The following CPEB4 variants were observed in gnomAD, a reference collection of about 807,000 sequenced individuals.
CPEB4 encodes the protein cytoplasmic polyadenylation element binding protein 4.
In CPEB4, 12 loss-of-function variants were observed where a neutral mutation model predicts 72.5. The ratio of observed to expected loss-of-function variants is 0.17; its 90% CI spans 0.11 to 0.27. CPEB4 has a LOEUF of 0.27. Ranked by LOEUF, CPEB4 falls within the 10% of genes least tolerant of loss-of-function variation. The pLI, the probability that CPEB4 is intolerant of heterozygous loss-of-function variation, is 1.00. For missense variants in CPEB4, 614 were observed against 908.5 expected (o/e 0.68, Z 4.17); for synonymous variants, 302 against 326.3 (o/e 0.93, Z 0.80).
intron 3 of CPEB4, among the ~76,000 whole-genome samples, chr5:173,941,047 C>T (rs997736839): frequency 6.6e-6 from 1 of 152,302 alleles, no homozygotes; most frequent in East Asian, 1.9e-4. Flanking sequence ...ATAATGGAAG[C>T]CATGAGAGTT....
chr5:173,916,011 C>A (rs1441681364), intron 2 of CPEB4, among the ~76,000 whole-genome samples: 3 of 152,108 alleles, frequency 2.0e-5, no homozygotes, highest in Non-Finnish European at 4.4e-5. Context: ...CAGAATATAA[C>A]AATCCACAGT....
chr5:173,891,143 A>T (rs1401334186), intron 1 of CPEB4, among the ~76,000 whole-genome samples: 1 of 152,218 alleles, frequency 6.6e-6, no homozygotes, highest in African/African-American at 2.4e-5. Flanking sequence ...TTCTTGCCTG[A>T]CATGAGAATC....
chr5:173,932,474 G>A lies in CPEB4; in HGVS notation c.1232G>A (p.Gly411Glu). ...GGTCGTCTAAACTATTCATATCCAG[G>A]ATCCGATAGCTCTCTGCTTATTAAT... ...IKGRLNYSYP[G>E]SDSSLLINAR... Residue 411 changes from glycine to glutamate, a missense_variant, in exon 3 of 10, where the codon GGA (glycine) becomes GAA (glutamate). Gly to Glu is a moderately conservative substitution (Grantham distance 98). This residue lies in a region of CPEB4 where 458 missense variants were observed against 548.6 expected (regional missense o/e 0.83). Transcript: ENST00000265085. The A allele has an allele frequency of 6.2e-6, 10 of 1,612,710 alleles. No homozygotes were observed. Among genetic ancestry groups the A allele is most frequent in the Non-Finnish European group, 8.5e-6 (10 of 1,179,344 alleles).
At chr5:173,938,650 G>A (rs1757716310) in intron 3 of CPEB4, among the ~76,000 whole-genome samples, 1 of 152,110 alleles carries the variant, frequency 6.6e-6, no homozygotes, top group South Asian at 2.1e-4. Flanking sequence ...GAGAGCCTAA[G>A]GTAGATCAGC....
chr5:173,953,020 T>C (rs905331984), intron 8 of CPEB4, 71 bp from the exon 9 acceptor site: 4 of 1,283,134 alleles, frequency 3.1e-6, no homozygotes, highest in Non-Finnish European at 4.4e-6. Flanking sequence ...GAATTGCTTT[T>C]GATGAAACGG....
At chr5:173,911,305 C>T (rs985982952) in intron 2 of CPEB4, among the ~76,000 whole-genome samples, 2 of 151,728 alleles carry the variant, frequency 1.3e-5, no homozygotes, top group African/African-American at 4.8e-5. Flanking sequence ...GAGTCTTGCC[C>T]TGTCGCCAGG....
chr5:173,900,180 C>T lies in CPEB4; in HGVS notation c.1125+9322C>T, dbSNP rs1020242556. On this transcript the variant is annotated intron_variant, in intron 1 of 9. Coordinates refer to ENST00000265085, the MANE Select transcript of CPEB4 (RefSeq NM_030627.4). The surrounding 1 kb of genome is among the most constrained non-coding windows in gnomAD (Gnocchi z 4.4). ...CAGCACTGCGAGAGGCTGAGGTGGG[C>T]GGATCACCTGAGGTCGGGAGTTCGA... 4.6e-5 allele frequency among the ~76,000 whole-genome samples: 7 copies of T among 151,908 alleles called. No individual in the cohort carries two copies. Among genetic ancestry groups the T allele is most frequent in the African/African-American group, 9.7e-5 (4 of 41,336 alleles).
chr5:173,899,460 G>A (rs887798921), intron 1 of CPEB4, among the ~76,000 whole-genome samples: 1 of 152,132 alleles, frequency 6.6e-6, no homozygotes, highest in African/African-American at 2.4e-5. Context: ...TGCTCAGTCT[G>A]TTTCACTGCT....
chr5:173,944,435 A>C (rs1757945963), intron 4 of CPEB4, among the ~76,000 whole-genome samples: 1 of 150,036 alleles, frequency 6.7e-6, no homozygotes, highest in South Asian at 2.1e-4. Flanking sequence ...TGATTATGCC[A>C]CTGTACTCCA....
intron 2 of CPEB4, among the ~76,000 whole-genome samples, chr5:173,918,412 G>A (rs1756955593): frequency 6.6e-6 from 1 of 152,198 alleles, no homozygotes; most frequent in African/African-American, 2.4e-5. Context: ...TGTAGGTTGA[G>A]CTTACAAAGG....
Position 173,890,155 on chromosome 5 carries a change from C to A in CPEB4, c.422C>A (p.Thr141Lys), listed in dbSNP as rs769395963. 1 of 1,614,010 alleles carries A rather than the reference C, an allele frequency of 6.2e-7. No individual in the cohort carries two copies. The highest frequency in any genetic ancestry group is 1.3e-5 in the African/African-American group (1 of 74,924). ...ATAAGGATCGAATCTCCAGTGTTGACAGGGTTTGATTATCAAGAAGCCACT... is the reference window on the plus strand; with the variant it reads ...ATAAGGATCGAATCTCCAGTGTTGAAAGGGTTTGATTATCAAGAAGCCACT... ...EKIRIESPVLTGFDYQEATGL... is the reference protein window; with the variant it reads ...EKIRIESPVLKGFDYQEATGL... Residue 141 changes from threonine (T) to lysine (K), a missense_variant, in exon 1 of 10, where the codon ACA becomes AAA. By Grantham distance (78) the Thr-to-Lys change is moderately conservative. Transcript: ENST00000265085.
chr5:173,949,320 A>G (rs116034619), intron 5 of CPEB4, among the ~76,000 whole-genome samples, 188 bp from the exon 6 acceptor site: 2 of 152,302 alleles, frequency 1.3e-5, no homozygotes, highest in Non-Finnish European at 2.9e-5. Context: ...AGGGAGAAAG[A>G]GGAAGAGAGA....
intron 3 of CPEB4, among the ~76,000 whole-genome samples, chr5:173,938,384 C>T (rs1427426339): frequency 6.6e-6 from 1 of 152,148 alleles, no homozygotes; most frequent in Non-Finnish European, 1.5e-5. Flanking sequence ...TGCCACCACA[C>T]CCAGCTAATT....
At chr5:173,937,848 C>T (rs1012318367) in intron 3 of CPEB4, among the ~76,000 whole-genome samples, 1 of 152,180 alleles carries the variant, frequency 6.6e-6, no homozygotes, top group African/African-American at 2.4e-5. Context: ...GTGTCTTTAT[C>T]ATATCTTAGG....
intron 2 of CPEB4, among the ~76,000 whole-genome samples, chr5:173,920,837 A>T (rs1320261471): frequency 6.6e-6 from 1 of 152,250 alleles, no homozygotes; most frequent in Non-Finnish European, 1.5e-5. Flanking sequence ...AGTAGTTTGT[A>T]TAAGGGCTAT....
chr5:173,959,499 G>C lies in CPEB4; in HGVS notation c.*3362G>C, dbSNP rs540726101. The C allele has an allele frequency of 6.5e-6, 1 of 152,880 alleles. No homozygotes were observed. The highest frequency in any genetic ancestry group is 1.9e-4 in the East Asian group (1 of 5,326). 9.5% of individuals were successfully genotyped at this position (152,880 alleles called of 1,614,324 possible). A position where few individuals can be genotyped will look rare whatever the true frequency, so the allele number is the denominator to read the frequency against. On this transcript the variant is annotated 3_prime_UTR_variant, in exon 10 of 10. Coordinates refer to ENST00000265085, the MANE Select transcript of CPEB4 (RefSeq NM_030627.4). ...TTAAAAGGTGATTTAAAACTTGAAT[G>C]TGATGAATTGTGGCAAGTTAACTTC...
At chr5:173,936,466 G>A (rs1757625245) in intron 3 of CPEB4, among the ~76,000 whole-genome samples, 1 of 152,178 alleles carries the variant, frequency 6.6e-6, no homozygotes, top group African/African-American at 2.4e-5. Context: ...CTGAGGTACT[G>A]GAGGTTAGGA....
chr5:173,890,276 A>C lies in CPEB4; in HGVS notation c.543A>C (p.Thr181=). 3 of 1,614,060 alleles carry C rather than the reference A, an allele frequency of 1.9e-6. No individual in the cohort carries two copies. Among genetic ancestry groups the C allele is most frequent in the Non-Finnish European group, 1.7e-6 (2 of 1,179,982 alleles). ...CAGCGATAGCGCCTTCCTCCTCTACAATAATCAATGAAGATGCAAGTTTCT... is the reference window on the plus strand; with the variant it reads ...CAGCGATAGCGCCTTCCTCCTCTACCATAATCAATGAAGATGCAAGTTTCT... ...WSAAIAPSSS[T]IINEDASFFH... The change falls in exon 1 of 10, where the codon ACA becomes ACC. Residue 181 remains threonine, a synonymous_variant. Transcript: ENST00000265085.
At chr5:173,922,038 T>C (rs757314488) in intron 2 of CPEB4, among the ~76,000 whole-genome samples, 14 of 152,230 alleles carry the variant, frequency 9.2e-5, no homozygotes, top group Admixed American at 2.0e-4. Context: ...CAACAGCTTC[T>C]GTAAAGTCAC....
Sources: allele counts gnomAD v4.1 joint callset (sites outside exome capture counted in the v4.1 genomes callset), GRCh38; gene constraint gnomAD v4.1.1; regional missense constraint gnomAD v4.1.1; non-coding constraint Gnocchi (gnomAD v3.1); transcripts MANE v1.5; gene names NCBI Gene and HGNC (gene_info 2026-07-23, HGNC 2026-07-21).